PCDH11X: variants seen among roughly 807,000 people sequenced by gnomAD.
PCDH11X encodes the protein protocadherin 11 X-linked.
PCDH11X carries 18 observed loss-of-function variants against 53.3 expected under a neutral mutation model. That is an observed-to-expected ratio of 0.34 (90% CI 0.23 to 0.50). The LOEUF is 0.50. Among genes scored for constraint, PCDH11X ranks in the 20% least tolerant of loss-of-function variants. The pLI is 0.98. For synonymous variants in PCDH11X, 279 were observed against 393.3 expected (o/e 0.71, Z 3.44); for missense variants, 570 against 1,032.4 (o/e 0.55, Z 6.14).
chrX:92,504,434 G>T (rs1383144906), intron 10 of PCDH11X, among the ~76,000 whole-genome samples: 2 of 111,136 alleles, frequency 1.8e-5, no homozygotes, highest in African/African-American at 3.3e-5. Flanking sequence ...TGCTGCAAAG[G>T]TCACAATCTC....
intron 9 of PCDH11X, among the ~76,000 whole-genome samples, chrX:92,430,195 CT>C (rs758634486): frequency 2.2e-5 from 2 of 92,893 alleles, no homozygotes; most frequent in Middle Eastern, 5.9e-3. Context: ...CATTTTTGAA[CT>C]TTTGTACTCT....
At chrX:91,964,912 C>T (rs1021364047) in intron 6 of PCDH11X, among the ~76,000 whole-genome samples, 6 of 112,027 alleles carry the variant, frequency 5.4e-5, no homozygotes, top group Non-Finnish European at 1.1e-4. Context: ...AAACTGCTAG[C>T]GTTTAGTTTA....
At chrX:92,190,449 C>T (rs890091929) in intron 6 of PCDH11X, among the ~76,000 whole-genome samples, 6 of 111,454 alleles carry the variant, frequency 5.4e-5, no homozygotes, top group East Asian at 2.8e-4. Context: ...GTGAAGTAAA[C>T]GGTTAAGAAA....
chrX:92,164,700 T>TA (rs1460470020), intron 6 of PCDH11X, among the ~76,000 whole-genome samples: 3 of 108,318 alleles, frequency 2.8e-5, no homozygotes. Context: ...CTATATATAT[T>TA]ATCATGATAT....
intron 6 of PCDH11X, among the ~76,000 whole-genome samples, chrX:92,136,394 TAG>T (rs1340198636): frequency 1.8e-4 from 19 of 107,717 alleles, no homozygotes; most frequent in Non-Finnish European, 3.0e-4. Flanking sequence ...TCAGATCTTG[TAG>T]AGTAGGAAGT....
intron 7 of PCDH11X, among the ~76,000 whole-genome samples, chrX:92,237,408 C>T (rs2067191578): frequency 9.1e-6 from 1 of 110,181 alleles, no homozygotes; most frequent in Admixed American, 9.8e-5. Flanking sequence ...CACTTAAATT[C>T]AGTATGTTTC....
Position 92,344,227 on chromosome X carries a change from T to C in PCDH11X, c.3145-43508T>C, listed in dbSNP as rs761664573. ...AGACTATGAGGCTAATGAATGATGA[T>C]GTTTGAAGATTATATCCACCTGGAC... On this transcript the variant is annotated intron_variant, in intron 8 of 10. Coordinates refer to ENST00000682573, the MANE Select transcript of PCDH11X (RefSeq NM_032968.5). Among the ~76,000 whole-genome samples the C allele has an allele frequency of 9.3e-5, 10 of 108,072 alleles. 1 individual carries two copies. The South Asian group carries it at 4.1e-3, about 44-fold the overall frequency. 93.8% of individuals were successfully genotyped at this position (108,072 alleles called of 115,157 possible).
At chrX:92,312,734 A>G (rs2068977560) in intron 8 of PCDH11X, among the ~76,000 whole-genome samples, 1 of 111,869 alleles carries the variant, frequency 8.9e-6, no homozygotes, top group African/African-American at 3.2e-5. Context: ...TATTCAAGTG[A>G]ATGCTGTTTG....
At chrX:92,270,532 A>C (rs759909175) in intron 8 of PCDH11X, among the ~76,000 whole-genome samples, 110 of 111,590 alleles carry the variant, frequency 9.9e-4, no homozygotes, top group African/African-American at 3.5e-3. Context: ...ATCAATTTAG[A>C]AGTTTACTTT....
chrX:92,440,905 C>T (rs1259368356), intron 9 of PCDH11X, among the ~76,000 whole-genome samples: 2 of 111,196 alleles, frequency 1.8e-5, no homozygotes, highest in Non-Finnish European at 3.8e-5. Flanking sequence ...TTGGAACTCC[C>T]TAGAGACTTG....
At chrX:92,051,127 A>G (rs543011470) in intron 6 of PCDH11X, among the ~76,000 whole-genome samples, 1 of 111,979 alleles carries the variant, frequency 8.9e-6, no homozygotes, top group South Asian at 3.7e-4. Flanking sequence ...ATCAAATGAA[A>G]TATAGTTCGA....
At chrX:91,880,758 G>C (rs1172356457) in intron 6 of PCDH11X, among the ~76,000 whole-genome samples, 2 of 109,433 alleles carry the variant, frequency 1.8e-5, no homozygotes, top group Non-Finnish European at 3.8e-5. Flanking sequence ...ATTTTACATA[G>C]TTAGTGGATC....
intron 6 of PCDH11X, among the ~76,000 whole-genome samples, chrX:91,901,307 GA>G (rs1219206561): frequency 2.7e-5 from 3 of 110,730 alleles, no homozygotes; most frequent in Non-Finnish European, 3.8e-5. Context: ...ACAAAACTAG[GA>G]GACTGAGTTT....
intron 8 of PCDH11X, among the ~76,000 whole-genome samples, chrX:92,361,073 C>T (rs1316731181): frequency 9.1e-6 from 1 of 110,402 alleles, no homozygotes; most frequent in Non-Finnish European, 1.9e-5. Context: ...TCACAATTTG[C>T]CAGGTATTAT....
chrX:92,433,324 T>C (rs1375703887), intron 9 of PCDH11X, among the ~76,000 whole-genome samples: 6 of 110,099 alleles, frequency 5.4e-5, no homozygotes, highest in Non-Finnish European at 1.1e-4. Context: ...TAATTCCTAT[T>C]ATTTGCAGTG....
intron 8 of PCDH11X, among the ~76,000 whole-genome samples, chrX:92,297,757 T>C (rs1603260639): frequency 9.0e-6 from 1 of 111,249 alleles, no homozygotes; most frequent in Admixed American, 9.6e-5. Context: ...TTTAACAATA[T>C]TGATTCTTCC....
intron 6 of PCDH11X, among the ~76,000 whole-genome samples, chrX:92,064,517 AATAAATAAATAG>A (rs201693772): frequency 0.018 from 1,997 of 108,313 alleles, 54 homozygotes; most frequent in African/African-American, 0.064. Context: ...TAAATAAATA[AATAAATAAATAG>A]TTTTGTCATG....
chrX:92,273,904 C>T (rs977922867), intron 8 of PCDH11X, among the ~76,000 whole-genome samples: 12 of 110,614 alleles, frequency 1.1e-4, no homozygotes, highest in African/African-American at 3.0e-4. Context: ...GCAAAGATTA[C>T]TTATTTACTT....
chrX:92,619,647 A>G lies in PCDH11X; in HGVS notation c.*707A>G, dbSNP rs1928342340. ...TTTCTCTACTCTTTAGTAGAGTTCGAGACACAGAAGTGCAATAACTGCCCT... is the reference window on the plus strand; with the variant it reads ...TTTCTCTACTCTTTAGTAGAGTTCGGGACACAGAAGTGCAATAACTGCCCT... On this transcript the variant is annotated 3_prime_UTR_variant, in exon 11 of 11. Coordinates refer to ENST00000682573, the MANE Select transcript of PCDH11X (RefSeq NM_032968.5). The G allele has an allele frequency of 9.1e-6, 1 of 109,867 alleles. No individual in the cohort carries two copies. The highest frequency in any genetic ancestry group is 9.9e-5 in the Admixed American group (1 of 10,127). The allele number at this position is 109,867 out of a possible 1,213,427, so 9.1% of individuals were successfully genotyped here.
Sources: gnomAD v4.1 joint callset for allele counts (sites outside exome capture counted in the v4.1 genomes callset) on GRCh38, gnomAD v4.1.1 for gene constraint, MANE v1.5 for transcripts, NCBI Gene and HGNC (gene_info 2026-07-23, HGNC 2026-07-21) for gene names.